RPAP1: variants seen among roughly 807,000 people sequenced by gnomAD.
The protein encoded by RPAP1 is RNA polymerase II-associated protein 1.
In RPAP1, 109 loss-of-function variants were observed where a neutral mutation model predicts 142.4. The ratio of observed to expected loss-of-function variants is 0.77; its 90% CI spans 0.66 to 0.90. RPAP1 has a LOEUF of 0.90. RPAP1 is among the 40% of genes least tolerant of loss of function. The pLI is 0.00. For missense variants in RPAP1, 1,546 were observed against 1,751.7 expected, an observed-to-expected ratio of 0.88 and a Z score of 2.10; for synonymous variants, 704 against 738.9, an observed-to-expected ratio of 0.95 and a Z score of 0.77.
chr15:41,535,025 G>A (rs2051893465), intron 5 of RPAP1, 90 bp from the exon 6 acceptor site: 1 of 1,272,006 alleles, frequency 7.9e-7, no homozygotes, highest in Admixed American at 2.1e-5. Context: ...TATTAGCCCT[G>A]GAGACAGGTA....
chr15:41,528,241 G>C lies in RPAP1; in HGVS notation c.1254C>G (p.Ile418Met), dbSNP rs752326644. ...AGGCTGGCAATCCACTCACCCTGCT[G>C]ATGACCTGGGCTAACACATGCAGTG... ...ALALHVLAQV[I>M]SRAQAGEFGD... The change falls in exon 10 of 25, where the codon ATC (isoleucine) becomes ATG (methionine). Residue 418 changes from isoleucine to methionine, a missense_variant. Coordinates refer to ENST00000304330, the MANE Select transcript of RPAP1 (RefSeq NM_015540.4). 3 of 1,605,826 alleles carry C rather than the reference G, an allele frequency of 1.9e-6. No individual in the cohort carries two copies. Among genetic ancestry groups the C allele is most frequent in the Non-Finnish European group, 2.6e-6 (3 of 1,175,900 alleles).
chr15:41,537,883 CA>C (rs34270949), intron 1 of RPAP1, among the ~76,000 whole-genome samples: 53,954 of 131,320 alleles, frequency 0.41, 9,994 homozygotes, highest in East Asian at 0.49. Flanking sequence ...AACTCCGTCT[CA>C]AAAAAAAAAA....
In RPAP1 at chr15:41,522,190, C is replaced by T. The variant is rs777569256; in HGVS notation, c.2803G>A (p.Gly935Arg). ...AAAGGTGTGAGGTGTGGGGCAGCCC[C>T]AGGAGCCACACACTGGAGGAAGTAA... is the stretch of plus-strand genomic sequence containing the variant. ...QNYFLQCVAP[G>R]AAPHLTPFSA... Residue 935 changes from glycine to arginine, a missense_variant, in exon 20 of 25, where the codon GGG (glycine) becomes AGG (arginine). By Grantham distance (125) the Gly-to-Arg change is moderately radical. Around this residue, in one of 3 missense-constraint regions of RPAP1, gnomAD observed 1,333 missense variants for 1,486.6 expected, o/e 0.90. Coordinates refer to ENST00000304330, the MANE Select transcript of RPAP1 (RefSeq NM_015540.4). The T allele has an allele frequency of 1.2e-6, 2 of 1,614,044 alleles. No individual in the cohort carries two copies. Among genetic ancestry groups the T allele is most frequent in the Admixed American group, 3.3e-5 (2 of 60,028 alleles).
intron 22 of RPAP1, chr15:41,520,026 C>T (rs753853763): frequency 1.5e-4 from 38 of 257,906 alleles, no homozygotes; most frequent in African/African-American, 6.7e-4. Flanking sequence ...CTCCGCTTCC[C>T]GGGTTCAAGC....
Position 41,527,967 on chromosome 15 carries a change from C to T in RPAP1, c.1321G>A (p.Ala441Thr), listed in dbSNP as rs903218850. 2.5e-6 allele frequency: 4 copies of T among 1,614,010 alleles called. No individual in the cohort carries two copies. In the African/African-American group the frequency reaches 4.0e-5, roughly 16 times the overall value. The part of the protein sequence containing the change: ...AGSVLSLLLD[A>T]GFLFLLRFSL... ...AAGCGCAGTAGGAAGAGGAAACCAG[C>T]ATCCAAAAGGAGGCTTAAGACACTG... The change falls in exon 11 of 25, where the codon GCT becomes ACT. Residue 441 changes from alanine (A) to threonine (T), a missense_variant. Physicochemically the swap from Ala to Thr is moderately conservative, Grantham distance 58. Around this residue, in one of 3 missense-constraint regions of RPAP1, gnomAD observed 1,333 missense variants for 1,486.6 expected, o/e 0.90. Transcript: ENST00000304330.
Position 41,520,681 on chromosome 15 carries a change from G to C in RPAP1, c.3505C>G (p.Leu1169Val). Residue 1169 changes from leucine to valine, a missense_variant, in exon 22 of 25, where the codon CTG becomes GTG. Around this residue, in one of 3 missense-constraint regions of RPAP1, gnomAD observed 1,333 missense variants for 1,486.6 expected, o/e 0.90. Transcript: ENST00000304330. Reference sequence around the variant, plus strand: ...TGCTGTACTGGGGACTCCCGGAACAGCTCACTGTCCACCAGGAACACACAC... The same window carrying C: ...TGCTGTACTGGGGACTCCCGGAACACCTCACTGTCCACCAGGAACACACAC... ...LMCVFLVDSE[L>V]FRESPVQHLV... The C allele has an allele frequency of 6.2e-7, 1 of 1,614,180 alleles. No homozygotes were observed. Among genetic ancestry groups the C allele is most frequent in the East Asian group, 2.2e-5 (1 of 44,890 alleles).
rs2051796109 is a variant in RPAP1 at position 41,526,881 on chromosome 15, CCCTGTGT to C, written c.1917+10_1917+16del. 1 of 1,597,334 alleles carries C rather than the reference CCCTGTGT, an allele frequency of 6.3e-7. No homozygotes were observed. Among genetic ancestry groups the C allele is most frequent in the Non-Finnish European group, 8.6e-7 (1 of 1,168,546 alleles). On this transcript the variant is annotated intron_variant, in intron 14 of 24. Transcript: ENST00000304330. Reference sequence around the variant, plus strand: ...GTCCCATGCATTCCCCCATCCCTTGCCCTGTGTCCTGCTCACCAGCCGGGCAGCAATA... The same window carrying C: ...GTCCCATGCATTCCCCCATCCCTTGCCCTGCTCACCAGCCGGGCAGCAATA...
At position 41,526,789 on chromosome 15, in the gene RPAP1, AG is replaced by A; in HGVS notation, c.1917+108del. The stretch of plus-strand genomic sequence containing the variant: ...GCATTTCTAAGCAACTGGATCAGAG[AG>A]GAAGAAGATGGCAAGAGCTGGCCAC... On this transcript the variant is annotated intron_variant, in intron 14 of 24. Transcript: ENST00000304330. 2.8e-6 allele frequency: 3 copies of A among 1,089,416 alleles called. No homozygotes were observed. In the South Asian group the frequency reaches 4.9e-5, roughly 18 times the overall value. 67.5% of individuals were successfully genotyped at this position (1,089,416 alleles called of 1,614,324 possible). A position where few individuals can be genotyped will look rare whatever the true frequency, so the allele number is the denominator to read the frequency against.
In RPAP1 at chr15:41,543,319, C is replaced by T. The variant is rs186425391; in HGVS notation, c.-77+900G>A. ...CCGCCTCCTGGGTTCAAGTGATTCT[C>T]CTGCCTCAGGCTCCCGAGTAGCTGG... is the stretch of plus-strand genomic sequence containing the variant. On this transcript the variant is annotated intron_variant, in intron 1 of 24. Transcript: ENST00000304330. 3.2e-3 allele frequency among the ~76,000 whole-genome samples: 472 copies of T among 149,518 alleles called. 1 individual carries two copies. The highest frequency in any genetic ancestry group is 5.2e-3 in the East Asian group (26 of 4,958).
chr15:41,523,945 G>A lies in RPAP1; in HGVS notation c.2262C>T (p.Ala754=). 1 of 1,611,588 alleles carries A rather than the reference G, an allele frequency of 6.2e-7. No homozygotes were observed. The highest frequency in any genetic ancestry group is 8.5e-7 in the Non-Finnish European group (1 of 1,178,840). The change falls in exon 17 of 25, where the codon GCC becomes GCT. Residue 754 remains alanine, a synonymous_variant. Coordinates refer to ENST00000304330, the MANE Select transcript of RPAP1 (RefSeq NM_015540.4). ...GTGTCCAAGTGACTAAGGAAGGGGT[G>A]GCCGAGAGGCTGGCCTCAGCAGAAT... is the stretch of plus-strand genomic sequence containing the variant. ...ISDSAEASLS[A]TPSLVTWTQV...
In RPAP1 at chr15:41,529,929, C is replaced by A; in HGVS notation, c.994G>T (p.Val332Phe). 1 of 1,614,082 alleles carries A rather than the reference C, an allele frequency of 6.2e-7. No individual in the cohort carries two copies. Among genetic ancestry groups the A allele is most frequent in the Non-Finnish European group, 8.5e-7 (1 of 1,179,964 alleles). Residue 332 changes from valine to phenylalanine, a missense_variant, in exon 8 of 25, where the codon GTC (valine) becomes TTC (phenylalanine). Val to Phe is a conservative substitution (Grantham distance 50, BLOSUM62 -1). Transcript: ENST00000304330. ...GTCCAGTGGAGCTTCTCCAGCTCGA[C>A]AGTGTCCATGTGCAGCCATTCTTTC... Reference protein sequence around the residue: ...PQKEWLHMDTVELEKLHWTQD... With the variant: ...PQKEWLHMDTFELEKLHWTQD...
At position 41,520,503 on chromosome 15, in the gene RPAP1, A is replaced by C; in HGVS notation, c.3683T>G (p.Phe1228Cys). 1.2e-6 allele frequency: 2 copies of C among 1,614,132 alleles called. No homozygotes were observed. The highest frequency in any genetic ancestry group is 1.7e-6 in the Non-Finnish European group (2 of 1,179,996). ...CAGGGGCAGGAGGACCAGGGCCCCA[A>C]AGAGGTGGTCCCCAAAAGAGACAGC... is the stretch of plus-strand genomic sequence containing the variant. ...FEAVSFGDHLFGALVLLPLQR... is the reference protein window; with the variant it reads ...FEAVSFGDHLCGALVLLPLQR... The change falls in exon 22 of 25, where the codon TTT becomes TGT. Residue 1228 changes from phenylalanine (F) to cysteine (C), a missense_variant. Around this residue, in one of 3 missense-constraint regions of RPAP1, gnomAD observed 210 missense variants for 248.0 expected, o/e 0.85. Transcript: ENST00000304330.
intron 6 of RPAP1, 43 bp downstream of exon 6, chr15:41,534,671 C>A: frequency 6.8e-7 from 1 of 1,466,562 alleles, no homozygotes; most frequent in Non-Finnish European, 9.5e-7. Flanking sequence ...AAGTGGTATT[C>A]CTCTCCTAGC....
chr15:41,537,771 T>G (rs868226325), intron 1 of RPAP1, among the ~76,000 whole-genome samples: 1 of 151,258 alleles, frequency 6.6e-6, no homozygotes, highest in African/African-American at 2.4e-5. Flanking sequence ...TAATCCCAGC[T>G]ACCTGGGAGG....
In RPAP1 at chr15:41,523,341, G is replaced by A. The variant is rs138609224; in HGVS notation, c.2450C>T (p.Pro817Leu). 4.2e-4 allele frequency: 677 copies of A among 1,603,688 alleles called. 1 individual carries two copies. Among genetic ancestry groups the A allele is most frequent in the Middle Eastern group, 2.7e-3 (16 of 6,014 alleles). ...CTGCATGTCCTGGAGCCAATCCTCC[G>A]GGCATGAGCTTGGCTGGTGGACCAA... ...QAWSQQPSSC[P>L]EDWLQDMQRL... The change falls in exon 18 of 25, where the codon CCG becomes CTG. Residue 817 changes from proline (P) to leucine (L), a missense_variant. Physicochemically the swap from Pro to Leu is moderately conservative, Grantham distance 98. This residue lies in a region of RPAP1 where 1,333 missense variants were observed against 1,486.6 expected (regional missense o/e 0.90). Coordinates refer to ENST00000304330, the MANE Select transcript of RPAP1 (RefSeq NM_015540.4).
chr15:41,531,929 C>T (rs1468301775), intron 6 of RPAP1, among the ~76,000 whole-genome samples: 1 of 151,928 alleles, frequency 6.6e-6, no homozygotes, highest in African/African-American at 2.4e-5. Flanking sequence ...AATCGTAGCT[C>T]ACCACAGCCT....
chr15:41,536,015 C>G (rs1232676213), intron 4 of RPAP1, 114 bp downstream of exon 4: 1 of 757,674 alleles, frequency 1.3e-6, no homozygotes, highest in African/African-American at 1.7e-5. Flanking sequence ...TTAGTATGAT[C>G]CTGCTTTGTA....
Position 41,527,305 on chromosome 15 carries a change from G to T in RPAP1, c.1612-4C>A, listed in dbSNP as rs2140770063. 1.9e-6 allele frequency: 3 copies of T among 1,614,070 alleles called. No individual in the cohort carries two copies. The East Asian group carries it at 6.7e-5, about 36-fold the overall frequency. Reference sequence around the variant, plus strand: ...GCAGGCTGGTAGCCAGGAGCCCCTGGGAGTTGGAGAGAGAAACCCACTGAC... The same window carrying T: ...GCAGGCTGGTAGCCAGGAGCCCCTGTGAGTTGGAGAGAGAAACCCACTGAC... On this transcript the variant is annotated splice_region_variant and splice_polypyrimidine_tract_variant and intron_variant, in intron 12 of 24. Coordinates refer to ENST00000304330, the MANE Select transcript of RPAP1 (RefSeq NM_015540.4).
rs2051713324 is a variant in RPAP1, at chr15:41,520,499, C to A, written c.3687G>T (p.Gly1229=). The change falls in exon 22 of 25, where the codon GGG becomes GGT. Residue 1229 remains glycine (G), a synonymous_variant. Coordinates refer to ENST00000304330, the MANE Select transcript of RPAP1 (RefSeq NM_015540.4). ...GCTGCAGGGGCAGGAGGACCAGGGC[C>A]CCAAAGAGGTGGTCCCCAAAAGAGA... ...EAVSFGDHLF[G]ALVLLPLQRR... The A allele has an allele frequency of 6.2e-7, 1 of 1,613,980 alleles. No homozygotes were observed.
Sources: allele counts gnomAD v4.1 joint callset (sites outside exome capture counted in the v4.1 genomes callset), GRCh38; gene constraint gnomAD v4.1.1; regional missense constraint gnomAD v4.1.1; transcripts MANE v1.5; gene names NCBI Gene and HGNC (gene_info 2026-07-23, HGNC 2026-07-21).